The following SYTL2 variants were observed in gnomAD, a reference collection of about 807,000 sequenced individuals.
SYTL2 encodes synaptotagmin like 2, also known as synaptotagmin-like protein 2.
Under a neutral mutation model 198.7 loss-of-function variants are expected in SYTL2, and 165 were observed. The ratio of observed to expected loss-of-function variants is 0.83; its 90% CI spans 0.73 to 0.94. The LOEUF is 0.94. Among genes scored for constraint, SYTL2 ranks in the 40% least tolerant of loss-of-function variants. SYTL2 has a pLI of 0.00. For synonymous variants in SYTL2, 966 were observed against 917.7 expected (o/e 1.05, Z -0.95); for missense variants, 2,835 against 2,582.8 (o/e 1.10, Z -2.12).
intron 1 of SYTL2, among the ~76,000 whole-genome samples, chr11:85,787,701 C>CTTTTTTTTTTTTTTTTTTT (rs56177666): frequency 3.0e-4 from 27 of 90,394 alleles, no homozygotes; most frequent in Non-Finnish European, 3.9e-4. Flanking sequence ...TTTTCTTTTC[C>CTTTTTTTTTTTTTTTTTTT]TTTTTTTTTT....
chr11:85,814,245 C>A (rs770134201), upstream of SYTL2, among the ~76,000 whole-genome samples: 4 of 152,188 alleles, frequency 2.6e-5, no homozygotes, highest in Non-Finnish European at 5.9e-5. Flanking sequence ...TTCTGTCACC[C>A]CTTCCAGATG....
intron 1 of SYTL2, among the ~76,000 whole-genome samples, chr11:85,783,752 C>G (rs2092597626): frequency 6.6e-6 from 1 of 152,202 alleles, no homozygotes; most frequent in Non-Finnish European, 1.5e-5. Flanking sequence ...ACAACTCCAG[C>G]CAGATTGTCC....
chr11:85,698,065 A>G lies in SYTL2; in HGVS notation c.6282T>C (p.Pro2094=), dbSNP rs1280607617. The G allele has an allele frequency of 6.2e-7, 1 of 1,613,368 alleles. No individual in the cohort carries two copies. Among genetic ancestry groups the G allele is most frequent in the Non-Finnish European group, 8.5e-7 (1 of 1,179,410 alleles). Residue 2094 remains proline, a synonymous_variant, in exon 18 of 20, where the codon CCT becomes CCC. Transcript: ENST00000359152. The part of the protein sequence containing the change: ...VPEPVPGKKL[P]TTGEVHIWVK... ...CCCAGATGTGCACTTCTCCAGTTGT[A>G]GGAAGCTTTTTACCTACAATAGAAA...
At chr11:85,802,220 CTT>C (rs5793172) in intron 1 of SYTL2, among the ~76,000 whole-genome samples, 15 of 122,564 alleles carry the variant, frequency 1.2e-4, no homozygotes, top group Admixed American at 1.8e-4. Flanking sequence ...TTTTTCTTTT[CTT>C]TTTTTTTTTT....
chr11:85,850,968 C>T, the SYTL2 span, among the ~76,000 whole-genome samples: 22,127 of 140,908 alleles, frequency 0.16, 1,794 homozygotes, highest in Middle Eastern at 0.22. Flanking sequence ...CAGGTGGGAA[C>T]TGAACAATGA....
rs995405074 is a variant in SYTL2 at position 85,757,876 on chromosome 11, AG to A, written c.-152del. 1.0e-4 allele frequency: 109 copies of A among 1,063,120 alleles called. No homozygotes were observed. Among genetic ancestry groups the A allele is most frequent in the Admixed American group, 2.4e-4 (10 of 42,004 alleles). The allele number at this position is 1,063,120 out of a possible 1,614,324, so 65.9% of individuals were successfully genotyped here. ...CAAAGTCTTATTTTGGCTCAGCAAA[AG>A]TTTAGGGCAGCTGATAGCAAGATCC... On this transcript the variant is annotated 5_prime_UTR_variant, in exon 2 of 20. Coordinates refer to ENST00000359152, the MANE Select transcript of SYTL2 (RefSeq NM_206927.4).
At chr11:85,782,109 G>A (rs1344720051) in intron 1 of SYTL2, among the ~76,000 whole-genome samples, 1 of 152,234 alleles carries the variant, frequency 6.6e-6, no homozygotes, top group East Asian at 1.9e-4. Flanking sequence ...GAAAACTTCT[G>A]CCTAGACATC....
At chr11:85,721,975 A>C (rs1424640713) in intron 8 of SYTL2, among the ~76,000 whole-genome samples, 1 of 152,112 alleles carries the variant, frequency 6.6e-6, no homozygotes, top group Non-Finnish European at 1.5e-5. Context: ...CAAATGTGTT[A>C]GCTTGCTCCC....
chr11:85,747,242 G>T (rs1275279416), intron 3 of SYTL2, among the ~76,000 whole-genome samples: 1 of 151,770 alleles, frequency 6.6e-6, no homozygotes, highest in Non-Finnish European at 1.5e-5. Flanking sequence ...ATTGCTTGAG[G>T]CCAGTAGTTC....
chr11:85,737,522 AAAAATGGCATTCCTAAC>A, intron 5 of SYTL2, 36 bp downstream of exon 5: 1 of 1,426,762 alleles, frequency 7.0e-7, no homozygotes, highest in African/African-American at 1.4e-5. Flanking sequence ...CACAATGAGG[AAAAATGGCATTCCTAAC>A]AAATACAAGA....
chr11:85,762,300 C>T (rs1210875532), intron 1 of SYTL2, among the ~76,000 whole-genome samples: 1 of 152,130 alleles, frequency 6.6e-6, no homozygotes, highest in East Asian at 1.9e-4. Context: ...CTCACAATAA[C>T]CTCAGTAAAG....
At chr11:85,832,914 T>G in the SYTL2 span, among the ~76,000 whole-genome samples, 2 of 150,460 alleles carry the variant, frequency 1.3e-5, no homozygotes, top group Non-Finnish European at 3.0e-5. Context: ...GAGGATCACT[T>G]GAGCCCAGGA....
At chr11:85,807,842 C>G (rs2092978683) in intron 1 of SYTL2, among the ~76,000 whole-genome samples, 1 of 152,148 alleles carries the variant, frequency 6.6e-6, no homozygotes, top group South Asian at 2.1e-4. Context: ...GGCTCACAAA[C>G]AAGATTAACC....
At chr11:85,719,746 C>A (rs1460559518) in intron 9 of SYTL2, among the ~76,000 whole-genome samples, 1 of 152,182 alleles carries the variant, frequency 6.6e-6, no homozygotes, top group African/African-American at 2.4e-5. Context: ...GTCAGGACTA[C>A]ATTCCAAATT....
chr11:85,804,808 T>C (rs567213893), intron 1 of SYTL2, among the ~76,000 whole-genome samples: 3 of 152,294 alleles, frequency 2.0e-5, no homozygotes, highest in African/African-American at 4.8e-5. Context: ...CTAGGTGCCA[T>C]AACAGCAGTA....
chr11:85,852,526 G>A, the SYTL2 span: 529 of 162,604 alleles, frequency 3.3e-3, 2 homozygotes, highest in African/African-American at 0.012. Context: ...GGCGCGCACC[G>A]CCACACCTGA....
At chr11:85,849,970 T>C in the SYTL2 span, among the ~76,000 whole-genome samples, 4 of 147,048 alleles carry the variant, frequency 2.7e-5, no homozygotes, top group Middle Eastern at 3.2e-3. Context: ...CGTTGAGCAG[T>C]GGTTTGTAGT....
chr11:85,779,007 C>T (rs957701180), intron 1 of SYTL2, among the ~76,000 whole-genome samples: 1 of 151,962 alleles, frequency 6.6e-6, no homozygotes, highest in Non-Finnish European at 1.5e-5. Context: ...AAAATAAAAA[C>T]AAAATATAGA....
At chr11:85,750,566 T>C (rs578324) in intron 2 of SYTL2, among the ~76,000 whole-genome samples, 99,658 of 152,118 alleles carry the variant, frequency 0.66, 32,900 homozygotes, top group Middle Eastern at 0.71. Context: ...CACTAACCTG[T>C]GGTCTTTGCA....
Sources: allele counts gnomAD v4.1 joint callset (sites outside exome capture counted in the v4.1 genomes callset), GRCh38; gene constraint gnomAD v4.1.1; transcripts MANE v1.5; gene names NCBI Gene and HGNC (gene_info 2026-07-23, HGNC 2026-07-21).